Variants in PLCB1 observed in about 807,000 individuals in gnomAD.
The protein encoded by PLCB1 is 1-phosphatidylinositol 4,5-bisphosphate phosphodiesterase beta-1.
A neutral mutation model predicts 161.8 loss-of-function variants in PLCB1; 46 were observed. The ratio of observed to expected loss-of-function variants is 0.28; its 90% CI spans 0.22 to 0.36. PLCB1 has a LOEUF of 0.36. Among genes scored for constraint, PLCB1 ranks in the 10% least tolerant of loss-of-function variants. The probability of loss-of-function intolerance (pLI) is 1.00; values close to 1 mark genes in which losing one functional copy is unlikely to be tolerated. For synonymous variants in PLCB1, 517 were observed against 503.7 expected (o/e 1.03, Z -0.35); for missense variants, 1,016 against 1,472.5 (o/e 0.69, Z 5.07).
chr20:8,162,332 A>C (rs1264225038), intron 2 of PLCB1, among the ~76,000 whole-genome samples: 2 of 152,182 alleles, frequency 1.3e-5, no homozygotes, highest in African/African-American at 4.8e-5. Flanking sequence ...TTTAAGAATG[A>C]CCTTATATAA....
Position 8,160,986 on chromosome 20 carries a change from C to A in PLCB1, c.177+10615C>A, listed in dbSNP as rs569047547. ...CCTATTATAAATAAGTTTCTCAAAT[C>A]TAGCAAAGTATGTAATATTCACTAA... On this transcript the variant is annotated intron_variant, in intron 2 of 31. Transcript: ENST00000338037. 2.0e-5 allele frequency among the ~76,000 whole-genome samples: 3 copies of A among 152,214 alleles called. No individual in the cohort carries two copies. The South Asian group carries it at 6.2e-4, about 32-fold the overall frequency.
intron 3 of PLCB1, among the ~76,000 whole-genome samples, chr20:8,502,654 T>G (rs946338823): frequency 2.0e-5 from 3 of 152,166 alleles, no homozygotes; most frequent in African/African-American, 7.2e-5. Context: ...TACTCCTCCA[T>G]TTTTGGTTCT....
chr20:8,422,212 A>G (rs708913), intron 3 of PLCB1, among the ~76,000 whole-genome samples: 57,932 of 152,040 alleles, frequency 0.38, 14,602 homozygotes, highest in African/African-American at 0.71. Context: ...TTATAGAGCC[A>G]GATGTATTTA....
In PLCB1 at chr20:8,361,056, C is replaced by T. The variant is rs745429851; in HGVS notation, c.178-10326C>T. 1.6e-4 allele frequency among the ~76,000 whole-genome samples: 25 copies of T among 152,220 alleles called. 1 individual carries two copies. The highest frequency in any genetic ancestry group is 2.9e-4 in the Non-Finnish European group (20 of 68,006). On this transcript the variant is annotated intron_variant, in intron 2 of 31. Transcript: ENST00000338037. Reference sequence around the variant, plus strand: ...GTGTGATGAGAGAGAAAAGAAAATACGTTGGTTGAGAAAATACGTTGGTTA... The same window carrying T: ...GTGTGATGAGAGAGAAAAGAAAATATGTTGGTTGAGAAAATACGTTGGTTA...
chr20:8,308,618 C>CAAAAAAA (rs71183088), intron 2 of PLCB1, among the ~76,000 whole-genome samples: 1 of 73,594 alleles, frequency 1.4e-5, no homozygotes, highest in African/African-American at 4.5e-5. Context: ...TTCCGTATAT[C>CAAAAAAA]AAAAAAAAAA....
chr20:8,235,409 T>A (rs1980266590), intron 2 of PLCB1, among the ~76,000 whole-genome samples: 1 of 152,108 alleles, frequency 6.6e-6, no homozygotes, highest in Non-Finnish European at 1.5e-5. Flanking sequence ...TATATCCATA[T>A]AATTATTACT....
intron 2 of PLCB1, among the ~76,000 whole-genome samples, chr20:8,267,151 A>G (rs940689940): frequency 6.6e-6 from 1 of 152,144 alleles, no homozygotes; most frequent in Non-Finnish European, 1.5e-5. Flanking sequence ...ATACCTTCTA[A>G]TGGTGGAGGA....
At chr20:8,651,515 C>A (rs1205899843) in intron 7 of PLCB1, 7 of 717,924 alleles carry the variant, frequency 9.8e-6, no homozygotes, top group Non-Finnish European at 1.6e-5. Flanking sequence ...AATGCTTGAA[C>A]CTGCTTGCTA....
chr20:8,154,087 T>G (rs942835193), intron 2 of PLCB1, among the ~76,000 whole-genome samples: 1 of 152,222 alleles, frequency 6.6e-6, no homozygotes, highest in African/African-American at 2.4e-5. Flanking sequence ...TGTGCATGTG[T>G]AACTATGGAA....
At chr20:8,753,926 C>T (rs1402734346) in intron 23 of PLCB1, among the ~76,000 whole-genome samples, 1 of 152,200 alleles carries the variant, frequency 6.6e-6, no homozygotes, top group African/African-American at 2.4e-5. Context: ...TTTCCACTAA[C>T]TGCCTATTAC....
chr20:8,190,817 T>C (rs2051962340), intron 2 of PLCB1, among the ~76,000 whole-genome samples: 1 of 152,102 alleles, frequency 6.6e-6, no homozygotes, highest in African/African-American at 2.4e-5. Flanking sequence ...ACTGGTGCAG[T>C]TCACTCAAGG....
chr20:8,336,710 T>G (rs1407943326), intron 2 of PLCB1, among the ~76,000 whole-genome samples: 1 of 152,206 alleles, frequency 6.6e-6, no homozygotes, highest in Non-Finnish European at 1.5e-5. Flanking sequence ...TGGGATAAAA[T>G]AACCCTAAAT....
chr20:8,411,539 A>G (rs961026911), intron 3 of PLCB1, among the ~76,000 whole-genome samples: 13 of 152,248 alleles, frequency 8.5e-5, no homozygotes, highest in East Asian at 1.9e-4. Context: ...TGTTCACCCA[A>G]TGAAAGAGTA....
At chr20:8,521,297 G>A (rs943547441) in intron 3 of PLCB1, among the ~76,000 whole-genome samples, 1 of 149,836 alleles carries the variant, frequency 6.7e-6, no homozygotes, top group Non-Finnish European at 1.5e-5. Context: ...GTGGAGTTCT[G>A]GAGATTCATC....
At chr20:8,659,081 A>G (rs1243714953) in intron 9 of PLCB1, among the ~76,000 whole-genome samples, 1 of 152,038 alleles carries the variant, frequency 6.6e-6, no homozygotes, top group East Asian at 1.9e-4. Context: ...ACGTTCTAAA[A>G]CTGAAGGGAA....
chr20:8,335,655 A>G (rs1307211307), intron 2 of PLCB1, among the ~76,000 whole-genome samples: 2 of 152,126 alleles, frequency 1.3e-5, no homozygotes, highest in South Asian at 2.1e-4. Context: ...TCTTCCTTCA[A>G]GCATGATGCA....
intron 31 of PLCB1, among the ~76,000 whole-genome samples, chr20:8,853,876 AAAG>A (rs1408396100): frequency 2.0e-5 from 3 of 152,218 alleles, no homozygotes; most frequent in African/African-American, 7.2e-5. Context: ...GTTATTCAAC[AAAG>A]AAGCGCTGTT....
At chr20:8,377,705 G>A (rs1987133276) in intron 3 of PLCB1, among the ~76,000 whole-genome samples, 1 of 152,200 alleles carries the variant, frequency 6.6e-6, no homozygotes. Context: ...AACTATTAGT[G>A]TTTTGGCCCA....
intron 3 of PLCB1, among the ~76,000 whole-genome samples, chr20:8,542,061 A>G (rs766991508): frequency 1.3e-5 from 2 of 152,244 alleles, no homozygotes; most frequent in Non-Finnish European, 2.9e-5. Flanking sequence ...TCAGATGTTC[A>G]TTCATTTAAT....
Sources: allele counts gnomAD v4.1 joint callset (sites outside exome capture counted in the v4.1 genomes callset), GRCh38; gene constraint gnomAD v4.1.1; transcripts MANE v1.5; gene names NCBI Gene and HGNC (gene_info 2026-07-23, HGNC 2026-07-21).